The following SLC7A14 variants were observed in gnomAD, a reference collection of about 807,000 sequenced individuals.
SLC7A14 encodes the protein solute carrier family 7 member 14.
In SLC7A14, 37 loss-of-function variants were observed where a neutral mutation model predicts 60.2. The ratio of observed to expected loss-of-function variants is 0.61; its 90% confidence interval spans 0.47 to 0.81. The LOEUF is 0.81. Ranked by LOEUF, SLC7A14 falls within the 30% of genes least tolerant of loss-of-function variation. The probability of loss-of-function intolerance (pLI) is 0.00; values close to 1 mark genes in which losing one functional copy is unlikely to be tolerated. For missense variants in SLC7A14, 886 were observed against 982.7 expected (o/e 0.90, Z 1.32); for synonymous variants, 399 against 395.8 (o/e 1.01, Z -0.10).
intron 7 of SLC7A14, among the ~76,000 whole-genome samples, chr3:170,469,752 G>T (rs1739831361): frequency 6.6e-6 from 1 of 152,016 alleles, no homozygotes; most frequent in Admixed American, 6.5e-5. Flanking sequence ...CTCCTGCTTG[G>T]TACCTATTAT....
At chr3:170,576,678 A>G (rs535408060) in intron 1 of SLC7A14, among the ~76,000 whole-genome samples, 4 of 152,334 alleles carry the variant, frequency 2.6e-5, no homozygotes, top group Non-Finnish European at 4.4e-5. Context: ...GGGACCAGGA[A>G]CAGCACATTA....
chr3:170,580,327 C>G (rs1384949240), intron 1 of SLC7A14, among the ~76,000 whole-genome samples: 2 of 152,166 alleles, frequency 1.3e-5, no homozygotes, highest in Non-Finnish European at 2.9e-5. Context: ...TAGAGAAATC[C>G]TTTAAGCTAC....
chr3:170,540,016 C>T (rs1713970130), intron 1 of SLC7A14, among the ~76,000 whole-genome samples: 1 of 152,018 alleles, frequency 6.6e-6, no homozygotes, highest in Admixed American at 6.6e-5. Context: ...AATGTACAGT[C>T]GATCTGATAA....
intron 2 of SLC7A14, among the ~76,000 whole-genome samples, chr3:170,513,663 A>G (rs997824478): frequency 6.6e-6 from 1 of 152,242 alleles, no homozygotes; most frequent in African/African-American, 2.4e-5. Flanking sequence ...TTTCACATAC[A>G]TATTCATGAC....
chr3:170,576,814 G>C (rs926378264), intron 1 of SLC7A14, among the ~76,000 whole-genome samples: 1 of 152,152 alleles, frequency 6.6e-6, no homozygotes, highest in East Asian at 1.9e-4. Flanking sequence ...TCCACCAAAA[G>C]TCAGTAGTAA....
intron 4 of SLC7A14, among the ~76,000 whole-genome samples, chr3:170,491,281 A>G (rs1712210541): frequency 6.6e-6 from 1 of 152,256 alleles, no homozygotes; most frequent in Non-Finnish European, 1.5e-5. Context: ...GATAATGATT[A>G]GCTATTAGAA....
At chr3:170,471,090 G>GGTGTGTGTGTGTGTGT (rs113891859) in intron 7 of SLC7A14, among the ~76,000 whole-genome samples, 1,672 of 146,442 alleles carry the variant, frequency 0.011, 29 homozygotes, top group African/African-American at 0.039. Flanking sequence ...TCTGGGAAGG[G>GGTGTGTGTGTGTGTGT]GTGTGTGTGT....
intron 3 of SLC7A14, 31 bp downstream of exon 3, chr3:170,501,078 T>C (rs1341283359): frequency 6.9e-6 from 11 of 1,603,778 alleles, no homozygotes; most frequent in Non-Finnish European, 9.4e-6. Flanking sequence ...TAAGTTTGCA[T>C]GTTGAGGGTA....
chr3:170,529,465 T>A (rs1000433476), intron 1 of SLC7A14, among the ~76,000 whole-genome samples: 18 of 152,336 alleles, frequency 1.2e-4, no homozygotes, highest in Admixed American at 1.1e-3. Flanking sequence ...ATTCATCCGT[T>A]CAAGAAACTA....
At chr3:170,537,793 A>G in intron 1 of SLC7A14, among the ~76,000 whole-genome samples, 1 of 152,098 alleles carries the variant, frequency 6.6e-6, no homozygotes, top group Non-Finnish European at 1.5e-5. Context: ...AGGTGTCCTG[A>G]CCTCCAAGCC....
chr3:170,497,376 G>A (rs1310245190), intron 4 of SLC7A14, among the ~76,000 whole-genome samples: 1 of 152,162 alleles, frequency 6.6e-6, no homozygotes, highest in Non-Finnish European at 1.5e-5. Flanking sequence ...GAGAAGACTA[G>A]GAATCTTGGC....
At position 170,461,794 on chromosome 3, in the gene SLC7A14, G is replaced by C. The variant is rs4955729; in HGVS notation, c.*5261C>G. 86,990 of 152,012 alleles carry C rather than the reference G, an allele frequency of 0.57. 24,933 individuals carry two copies. The highest frequency in any genetic ancestry group is 0.63 in the African/African-American group (25,937 of 41,410). The allele number at this position is 152,012 out of a possible 1,614,324, so 9.4% of individuals were successfully genotyped here. Reference sequence around the variant, plus strand: ...CAGACACGTGGGTCCTCAGTTTCAGGGAGCTACACAGGTACAGGGGAAGCA... The same window carrying C: ...CAGACACGTGGGTCCTCAGTTTCAGCGAGCTACACAGGTACAGGGGAAGCA... On this transcript the variant is annotated 3_prime_UTR_variant, in exon 8 of 8. Transcript: ENST00000231706.
At chr3:170,519,271 G>C (rs1011182289) in intron 2 of SLC7A14, among the ~76,000 whole-genome samples, 3 of 152,142 alleles carry the variant, frequency 2.0e-5, no homozygotes, top group Non-Finnish European at 2.9e-5. Flanking sequence ...AAACTGGAAG[G>C]CTTCAGGGTT....
intron 4 of SLC7A14, among the ~76,000 whole-genome samples, chr3:170,492,073 C>G (rs144459050): frequency 2.8e-4 from 43 of 152,294 alleles, no homozygotes; most frequent in African/African-American, 1.0e-3. Flanking sequence ...TGAAATGAAA[C>G]TGTATATGGG....
intron 2 of SLC7A14, among the ~76,000 whole-genome samples, chr3:170,525,300 A>G (rs1379486480): frequency 1.3e-5 from 2 of 152,238 alleles, no homozygotes; most frequent in East Asian, 3.8e-4. Flanking sequence ...AAAGGAAGGA[A>G]GAGGAAAAGG....
intron 2 of SLC7A14, among the ~76,000 whole-genome samples, chr3:170,503,702 G>A (rs1712682412): frequency 6.6e-6 from 1 of 152,170 alleles, no homozygotes; most frequent in Non-Finnish European, 1.5e-5. Flanking sequence ...TTAATTTGGA[G>A]AGCCAATATT....
chr3:170,516,784 T>C (rs934409424), intron 2 of SLC7A14, among the ~76,000 whole-genome samples: 1 of 151,672 alleles, frequency 6.6e-6, no homozygotes, highest in South Asian at 2.1e-4. Flanking sequence ...AATAAATAAA[T>C]AATAAATTTG....
At chr3:170,558,061 A>G (rs968939641) in intron 1 of SLC7A14, among the ~76,000 whole-genome samples, 8 of 152,158 alleles carry the variant, frequency 5.3e-5, no homozygotes, top group Non-Finnish European at 1.2e-4. Context: ...CAGTACTTCC[A>G]CGTCTTTTGG....
intron 1 of SLC7A14, among the ~76,000 whole-genome samples, chr3:170,579,398 TTTC>T (rs1413985321): frequency 6.6e-6 from 1 of 152,268 alleles, no homozygotes; most frequent in East Asian, 1.9e-4. Flanking sequence ...GGTGCAATTG[TTTC>T]TTATTTACTG....
Sources: allele counts gnomAD v4.1 joint callset (sites outside exome capture counted in the v4.1 genomes callset), GRCh38; gene constraint gnomAD v4.1.1; transcripts MANE v1.5; gene names NCBI Gene and HGNC (gene_info 2026-07-23, HGNC 2026-07-21).